The following TRAIP variants were observed in gnomAD, a reference collection of about 807,000 sequenced individuals.
The protein encoded by TRAIP is E3 ubiquitin-protein ligase TRAIP.
A neutral mutation model predicts 65.0 loss-of-function variants in TRAIP; 37 were observed. The observed-to-expected ratio is 0.57, with a 90% confidence interval of 0.44 to 0.75. TRAIP has a LOEUF of 0.75. Among genes scored for constraint, TRAIP ranks in the 30% least tolerant of loss-of-function variants. The probability of loss-of-function intolerance (pLI) is 0.00; values close to 1 mark genes in which losing one functional copy is unlikely to be tolerated. For missense variants in TRAIP, 481 were observed against 579.4 expected, an observed-to-expected ratio of 0.83 and a Z score of 1.74; for synonymous variants, 187 against 219.1, an observed-to-expected ratio of 0.85 and a Z score of 1.29.
At chr3:49,840,196 A>T in intron 9 of TRAIP, 88 bp downstream of exon 9, 1 of 1,228,044 alleles carries the variant, frequency 8.1e-7, no homozygotes, top group Non-Finnish European at 1.2e-6. Context: ...TGACTGGTGC[A>T]AGGGTCCTGG....
intron 1 of TRAIP, among the ~76,000 whole-genome samples, chr3:49,855,195 G>C (rs964787783): frequency 6.6e-6 from 1 of 151,978 alleles, no homozygotes; most frequent in East Asian, 1.9e-4. Flanking sequence ...AAAAGGATAG[G>C]CCCTAGCACT....
At chr3:49,840,464 GC>G in intron 8 of TRAIP, 91 bp from the exon 9 acceptor site, 1 of 1,058,718 alleles carries the variant, frequency 9.4e-7, no homozygotes, top group Non-Finnish European at 1.5e-6. Context: ...GATCAAGGTA[GC>G]CCAGAAGAGA....
In TRAIP at chr3:49,843,916, C is replaced by T. The variant is rs753719047; in HGVS notation, c.293G>A (p.Arg98Gln). Residue 98 changes from arginine (R) to glutamine (Q), a missense_variant, in exon 5 of 15, where the codon CGA becomes CAA. Coordinates refer to ENST00000331456, the MANE Select transcript of TRAIP (RefSeq NM_005879.3). ...AQLSQKDKEK[R>Q]DSQVIIDTLR... ...AGTGTCGATGATGACCTGGCTGTCT[C>T]GTTTCTCCTTGTCTGGAGCAGGGGT... is the stretch of plus-strand genomic sequence containing the variant. 53 of 1,609,076 alleles carry T rather than the reference C, an allele frequency of 3.3e-5. No homozygotes were observed. The highest frequency in any genetic ancestry group is 5.0e-5 in the Admixed American group (3 of 59,920).
chr3:49,836,504 G>A (rs1332976250), intron 10 of TRAIP, among the ~76,000 whole-genome samples: 1 of 151,686 alleles, frequency 6.6e-6, no homozygotes, highest in African/African-American at 2.4e-5. Context: ...AAAAAGAAAA[G>A]AAAAGAAAAG....
chr3:49,853,399 G>T (rs2108323195), intron 1 of TRAIP, among the ~76,000 whole-genome samples: 1 of 152,180 alleles, frequency 6.6e-6, no homozygotes, highest in South Asian at 2.1e-4. Flanking sequence ...TAGGCCAGGA[G>T]TTTGAGACCA....
At chr3:49,839,686 A>AC in intron 10 of TRAIP, 86 bp downstream of exon 10, 1 of 1,279,064 alleles carries the variant, frequency 7.8e-7, no homozygotes, top group Non-Finnish European at 1.1e-6. Context: ...GAGGTCACCC[A>AC]CCCCACCAAA....
At position 49,849,167 on chromosome 3, in the gene TRAIP, T is replaced by G. The variant is rs116347989; in HGVS notation, c.99-967A>C. ...GCCATAAAATTTTTTTAAATTAAAT[T>G]TTTTGTTTTTTTGTTTTTTACAGAA... On this transcript the variant is annotated intron_variant, in intron 1 of 14. Transcript: ENST00000331456. Among the ~76,000 whole-genome samples the G allele has an allele frequency of 3.1e-3, 462 of 149,446 alleles. 2 individuals carry two copies. Among genetic ancestry groups the G allele is most frequent in the African/African-American group, 0.011 (452 of 40,478 alleles).
intron 5 of TRAIP, among the ~76,000 whole-genome samples, 177 bp from the exon 6 acceptor site, chr3:49,842,724 C>T (rs1006962442): frequency 1.3e-5 from 2 of 152,140 alleles, no homozygotes; most frequent in Admixed American, 1.3e-4. Context: ...GCTTGTGCTT[C>T]TTCTTCTAAA....
intron 10 of TRAIP, 70 bp downstream of exon 10, chr3:49,839,702 G>T: frequency 1.4e-6 from 2 of 1,408,588 alleles, no homozygotes; most frequent in Non-Finnish European, 2.0e-6. Flanking sequence ...CCAAAGCCAG[G>T]AGGAGTAAAG....
Position 49,840,338 on chromosome 3 carries a change from C to G in TRAIP, c.741G>C (p.Lys247Asn), listed in dbSNP as rs2081828067. 6.2e-7 allele frequency: 1 copy of G among 1,614,112 alleles called. No individual in the cohort carries two copies. Among genetic ancestry groups the G allele is most frequent in the Non-Finnish European group, 8.5e-7 (1 of 1,180,026 alleles). ...CCTTCTGGGCTGACTTCAGTTCTAA[C>G]TTGGCCTGATCCAATTCAGAGTAGA... ...QTVYSELDQA[K>N]LELKSAQKDL... The change falls in exon 9 of 15, where the codon AAG becomes AAC. Residue 247 changes from lysine to asparagine, a missense_variant. By Grantham distance (94) the Lys-to-Asn change is moderately conservative (BLOSUM62 0). Transcript: ENST00000331456.
Position 49,847,573 on chromosome 3 carries a change from A to G in TRAIP, c.192T>C (p.Phe64=), listed in dbSNP as rs2081895938. ...GKRTIINKLF[F]DLAQEEENVL... is the part of the protein sequence containing the mutation. ...CATTCTCCTCCTCCTGGGCAAGATC[A>G]AAGAAGAGCTTATTGATAATGGTTC... The change falls in exon 3 of 15, where the codon TTT becomes TTC. Residue 64 remains phenylalanine, a synonymous_variant. Transcript: ENST00000331456. The G allele has an allele frequency of 2.5e-6, 4 of 1,611,888 alleles. No individual in the cohort carries two copies. Among genetic ancestry groups the G allele is most frequent in the Non-Finnish European group, 3.4e-6 (4 of 1,179,434 alleles).
At chr3:49,849,840 CT>C (rs1185587392) in intron 1 of TRAIP, among the ~76,000 whole-genome samples, 2,921 of 89,900 alleles carry the variant, frequency 0.032, 21 homozygotes, top group African/African-American at 0.12. Context: ...CTTTTCTTTT[CT>C]TTTTTTTTTT....
intron 11 of TRAIP, among the ~76,000 whole-genome samples, chr3:49,830,730 T>C (rs1477325973): frequency 6.6e-6 from 1 of 152,226 alleles, no homozygotes; most frequent in African/African-American, 2.4e-5. Flanking sequence ...TCCTGGCATT[T>C]TCCCTGGTGG....
intron 9 of TRAIP, 110 bp from the exon 10 acceptor site, chr3:49,839,970 G>T: frequency 1.8e-6 from 2 of 1,129,782 alleles, no homozygotes; most frequent in Non-Finnish European, 2.7e-6. Context: ...TGGGAACAGA[G>T]CAAGGCCTGA....
At chr3:49,835,589 T>C (rs990732065) in intron 10 of TRAIP, among the ~76,000 whole-genome samples, 1 of 152,026 alleles carries the variant, frequency 6.6e-6, no homozygotes. Context: ...TTTACTACAA[T>C]AAAAAATACT....
intron 10 of TRAIP, among the ~76,000 whole-genome samples, chr3:49,836,750 C>T (rs1050384693): frequency 6.6e-6 from 1 of 152,064 alleles, no homozygotes; most frequent in African/African-American, 2.4e-5. Context: ...CACTTGAGCC[C>T]AGGAGGTGGA....
intron 8 of TRAIP, 84 bp from the exon 9 acceptor site, chr3:49,840,457 C>A (rs1475642586): frequency 7.9e-6 from 9 of 1,144,486 alleles, no homozygotes; most frequent in Admixed American, 7.0e-5. Context: ...AGGGAGTGAT[C>A]AAGGTAGCCC....
In TRAIP at chr3:49,833,540, T is replaced by C. The variant is rs542976186; in HGVS notation, c.885-1472A>G. Among the ~76,000 whole-genome samples, 17 of 151,458 alleles carry C rather than the reference T, an allele frequency of 1.1e-4. No individual in the cohort carries two copies. The South Asian group carries it at 2.5e-3, about 22-fold the overall frequency. On this transcript the variant is annotated intron_variant, in intron 10 of 14. Transcript: ENST00000331456. Reference sequence around the variant, plus strand: ...TGTCACCCAGGCTGGAGTGCAGTGGTGCGATCTCGGCTCACTGCAAGCTCC... The same window carrying C: ...TGTCACCCAGGCTGGAGTGCAGTGGCGCGATCTCGGCTCACTGCAAGCTCC...
At chr3:49,842,641 G>T in intron 5 of TRAIP, 94 bp from the exon 6 acceptor site, 2 of 1,206,644 alleles carry the variant, frequency 1.7e-6, no homozygotes, top group Non-Finnish European at 2.4e-6. Context: ...ACTCTCTGCA[G>T]CTTATGTTTT....
Sources: gnomAD v4.1 joint callset for allele counts (sites outside exome capture counted in the v4.1 genomes callset) on GRCh38, gnomAD v4.1.1 for gene constraint, MANE v1.5 for transcripts, NCBI Gene and HGNC (gene_info 2026-07-23, HGNC 2026-07-21) for gene names.